LINGO3: variants seen among roughly 807,000 people sequenced by gnomAD.
LINGO3 encodes the protein leucine-rich repeat and immunoglobulin-like domain-containing nogo receptor-interacting protein 3.
For synonymous variants in LINGO3, 427 were observed against 444.2 expected (o/e 0.96, Z 0.49); for missense variants, 750 against 867.7 (o/e 0.86, Z 1.70).
At chr19:2,303,800 T>C in the LINGO3 span, among the ~76,000 whole-genome samples, 1 of 152,192 alleles carries the variant, frequency 6.6e-6, no homozygotes, top group Non-Finnish European at 1.5e-5. Flanking sequence ...CTGTGGCCAA[T>C]GATGGAGCAT....
chr19:2,291,248 C>G, exon 1 of LINGO3: 1 of 1,611,966 alleles, frequency 6.2e-7, no homozygotes, highest in Admixed American at 1.7e-5. Flanking sequence ...GTCAGCTCCT[C>G]CAGGGCCAGC....
chr19:2,300,448 C>A, the LINGO3 span, among the ~76,000 whole-genome samples: 833 of 152,064 alleles, frequency 5.5e-3, 2 homozygotes, highest in African/African-American at 0.019. Flanking sequence ...TCGGACCACC[C>A]CCCTCCCAGG....
the LINGO3 span, among the ~76,000 whole-genome samples, chr19:2,304,320 G>GA: frequency 3.9e-5 from 6 of 152,252 alleles, no homozygotes; most frequent in African/African-American, 7.2e-5. Flanking sequence ...CATGGTATGG[G>GA]AAAAAATAAA....
At position 2,290,421 on chromosome 19, in the gene LINGO3, G is replaced by C. The variant is rs1041047623; in HGVS notation, c.1356C>G (p.Thr452=). The C allele has an allele frequency of 1.4e-6, 2 of 1,418,024 alleles. No homozygotes were observed. Among genetic ancestry groups the C allele is most frequent in the East Asian group, 3.0e-5 (1 of 33,648 alleles). The allele number at this position is 1,418,024 out of a possible 1,614,324, so 87.8% of individuals were successfully genotyped here. The stretch of plus-strand genomic sequence containing the variant: ...GGAGCACGCGCGCCCGGCCCGCGCT[G>C]GTGGCCGTCACCGGCCGGTGCTGGG... The change falls in exon 1 of 1, where the codon ACC becomes ACG. Residue 452 remains threonine, a synonymous_variant. Transcript: ENST00000585527. The surrounding 1 kb of genome is among the most constrained non-coding windows in gnomAD (Gnocchi z 6.0).
chr19:2,300,186 C>T, the LINGO3 span, among the ~76,000 whole-genome samples: 714 of 151,938 alleles, frequency 4.7e-3, 2 homozygotes, highest in African/African-American at 0.016. Context: ...TGCATGCCAC[C>T]ACACCTGGCT....
chr19:2,303,387 G>A, the LINGO3 span, among the ~76,000 whole-genome samples: 1 of 152,136 alleles, frequency 6.6e-6, no homozygotes, highest in Non-Finnish European at 1.5e-5. Flanking sequence ...GGCTGTGGCT[G>A]TGTTTGACGG....
the LINGO3 span, among the ~76,000 whole-genome samples, chr19:2,307,754 C>T: frequency 6.6e-6 from 1 of 152,246 alleles, no homozygotes; most frequent in Middle Eastern, 3.4e-3. Flanking sequence ...CCAGTGCCCC[C>T]TTCATCTCCT....
chr19:2,292,341 T>C (rs1489851539), upstream of LINGO3, among the ~76,000 whole-genome samples: 1 of 131,004 alleles, frequency 7.6e-6, no homozygotes, highest in Non-Finnish European at 1.5e-5. Context: ...GAGGCCACAG[T>C]GAGCTGTGAT....
the LINGO3 span, among the ~76,000 whole-genome samples, chr19:2,306,378 GC>G: frequency 2.0e-5 from 3 of 152,334 alleles, no homozygotes; most frequent in East Asian, 5.8e-4. Context: ...CCCACCCGGG[GC>G]CAACTTTGCT....
chr19:2,292,080 C>T (rs2025530402), upstream of LINGO3: 1 of 370,732 alleles, frequency 2.7e-6, no homozygotes, highest in Non-Finnish European at 5.2e-6. Flanking sequence ...CCCAGCTACT[C>T]AGGAGGCTGA....
chr19:2,300,023 C>CTTTTTT, the LINGO3 span, among the ~76,000 whole-genome samples: 831 of 95,812 alleles, frequency 8.7e-3, 1 homozygote, highest in Non-Finnish European at 0.012. Context: ...TGCCTGGCCT[C>CTTTTTT]TTTTTTTTTT....
chr19:2,298,665 C>T, the LINGO3 span, among the ~76,000 whole-genome samples: 7 of 151,644 alleles, frequency 4.6e-5, no homozygotes, highest in Non-Finnish European at 7.4e-5. Context: ...CTCAGCCTCC[C>T]GAGTAGCTGG....
At chr19:2,296,487 T>C (rs1298267002), upstream of LINGO3, among the ~76,000 whole-genome samples, 1 of 147,852 alleles carries the variant, frequency 6.8e-6, no homozygotes, top group Non-Finnish European at 1.5e-5. Context: ...CTTTTGGTTC[T>C]TTTTTTTTTG....
downstream of LINGO3, among the ~76,000 whole-genome samples, chr19:2,288,088 C>T (rs1351203728): frequency 6.6e-6 from 1 of 152,218 alleles, no homozygotes; most frequent in East Asian, 1.9e-4. This position sits in a 1 kb window ranked among gnomAD's most constrained non-coding sequence, Gnocchi z 6.5. Context: ...TCAGCTCCTG[C>T]TTGTTTGCCC....
chr19:2,296,235 C>T (rs2025570614), upstream of LINGO3, among the ~76,000 whole-genome samples: 1 of 152,142 alleles, frequency 6.6e-6, no homozygotes, highest in Non-Finnish European at 1.5e-5. Context: ...CCCTGCACCT[C>T]CCCCCTTACT....
Position 2,290,567 on chromosome 19 carries a change from A to C in LINGO3, c.1210T>G (p.Cys404Gly). Residue 404 changes from cysteine to glycine, a missense_variant, in exon 1 of 1, where the codon TGC becomes GGC. Transcript: ENST00000585527. The surrounding 1 kb of genome is among the most constrained non-coding windows in gnomAD (Gnocchi z 6.0). The stretch of plus-strand genomic sequence containing the variant: ...CGCTCCCGGATCTTGGGTTTGCGGC[A>C]CACGAAGTACTCGAACAGCACGGAG... 6.4e-7 allele frequency: 1 copy of C among 1,558,960 alleles called. No individual in the cohort carries two copies. Among genetic ancestry groups the C allele is most frequent in the East Asian group, 2.4e-5 (1 of 42,052 alleles).
chr19:2,304,388 C>T, the LINGO3 span, among the ~76,000 whole-genome samples: 35 of 152,194 alleles, frequency 2.3e-4, no homozygotes, highest in Non-Finnish European at 7.3e-5. Context: ...GGCCTCCCCA[C>T]AGCCAGCCGG....
the LINGO3 span, among the ~76,000 whole-genome samples, chr19:2,299,272 C>T: frequency 6.6e-6 from 1 of 152,118 alleles, no homozygotes; most frequent in Non-Finnish European, 1.5e-5. Flanking sequence ...TCTGACATGT[C>T]CCCTAAGGGT....
At chr19:2,292,494 T>G (rs1039275264), upstream of LINGO3, among the ~76,000 whole-genome samples, 2 of 151,432 alleles carry the variant, frequency 1.3e-5, no homozygotes, top group Non-Finnish European at 3.0e-5. Flanking sequence ...TTGTTTGTGT[T>G]TGTTTGTCTG....
Sources: allele counts gnomAD v4.1 joint callset (sites outside exome capture counted in the v4.1 genomes callset), GRCh38; gene constraint gnomAD v4.1.1; non-coding constraint Gnocchi (gnomAD v3.1); transcripts MANE v1.5; gene names NCBI Gene and HGNC (gene_info 2026-07-23, HGNC 2026-07-21).